EVA1C: variants seen among roughly 807,000 people sequenced by gnomAD.
EVA1C encodes the protein eva-1 homolog C, also known as protein eva-1 homolog C.
EVA1C carries 25 observed loss-of-function variants against 45.4 expected under a neutral mutation model. The observed-to-expected ratio is 0.55, with a 90% CI of 0.40 to 0.77. The LOEUF (loss-of-function observed/expected upper bound fraction) is 0.77. Among genes scored for constraint, EVA1C ranks in the 30% least tolerant of loss-of-function variants. The pLI, the probability that EVA1C is intolerant of heterozygous loss-of-function variation, is 0.00. For synonymous variants in EVA1C, 190 were observed against 221.2 expected, an observed-to-expected ratio of 0.86 and a Z score of 1.25; for missense variants, 479 against 554.8, an observed-to-expected ratio of 0.86 and a Z score of 1.37.
In EVA1C at chr21:32,514,972, G is replaced by A. The variant is rs1769244695; in HGVS notation, c.1108G>A (p.Glu370Lys). Residue 370 changes from glutamate to lysine, a missense_variant, in exon 8 of 8, where the codon GAG becomes AAG. Coordinates refer to ENST00000300255, the MANE Select transcript of EVA1C (RefSeq NM_058187.5). ...GGTGCCAGGAAGTGACAAGGTCGAGGAGGACAGCGAGGATGAAGAAGAGGA... is the reference window on the plus strand; with the variant it reads ...GGTGCCAGGAAGTGACAAGGTCGAGAAGGACAGCGAGGATGAAGAAGAGGA... The part of the protein sequence containing the change: ...QLVPGSDKVE[E>K]DSEDEEEEED... The A allele has an allele frequency of 5.0e-6, 8 of 1,614,124 alleles. No individual in the cohort carries two copies. The highest frequency in any genetic ancestry group is 2.2e-5 in the South Asian group (2 of 91,080).
chr21:32,479,369 G>T (rs918275670), intron 4 of EVA1C, among the ~76,000 whole-genome samples: 3 of 152,216 alleles, frequency 2.0e-5, no homozygotes, highest in Admixed American at 2.0e-4. Flanking sequence ...ATTGCAGTGA[G>T]CTGAGATCGT....
intron 6 of EVA1C, among the ~76,000 whole-genome samples, chr21:32,502,052 C>CTTCT (rs1309483325): frequency 2.0e-5 from 2 of 98,252 alleles, no homozygotes; most frequent in African/African-American, 8.4e-5. Context: ...TTCTTTCTTT[C>CTTCT]TTCTTTCTTT....
chr21:32,503,726 A>G (rs2037632844), intron 6 of EVA1C, among the ~76,000 whole-genome samples, 200 bp from the exon 7 acceptor site: 1 of 152,238 alleles, frequency 6.6e-6, no homozygotes, highest in Admixed American at 6.5e-5. Context: ...TTGTACTTTA[A>G]TATTGTCGGG....
chr21:32,450,222 G>A (rs2035528533), intron 1 of EVA1C, among the ~76,000 whole-genome samples: 1 of 152,126 alleles, frequency 6.6e-6, no homozygotes, highest in African/African-American at 2.4e-5. Context: ...TGTTTAGCGG[G>A]GATAGACTAT....
At chr21:32,460,970 T>C (rs896552981) in intron 3 of EVA1C, among the ~76,000 whole-genome samples, 1 of 152,212 alleles carries the variant, frequency 6.6e-6, no homozygotes, top group East Asian at 1.9e-4. Flanking sequence ...GGTCTTGAAC[T>C]CCTGACCTCA....
chr21:32,494,735 T>A (rs993296422), intron 4 of EVA1C, among the ~76,000 whole-genome samples: 5 of 150,810 alleles, frequency 3.3e-5, no homozygotes, highest in African/African-American at 1.2e-4. Flanking sequence ...GTGACTGAGA[T>A]CGTGCCATTG....
intron 7 of EVA1C, among the ~76,000 whole-genome samples, chr21:32,510,176 G>A (rs755694752): frequency 1.1e-4 from 16 of 150,730 alleles, no homozygotes; most frequent in Non-Finnish European, 2.1e-4. Context: ...AGCCTCCCAA[G>A]TAGCTGGGAC....
chr21:32,441,518 G>C (rs1451930276), intron 1 of EVA1C, among the ~76,000 whole-genome samples: 1 of 151,966 alleles, frequency 6.6e-6, no homozygotes, highest in Non-Finnish European at 1.5e-5. Context: ...GTTGGATGAG[G>C]CTGGATGAAG....
intron 4 of EVA1C, among the ~76,000 whole-genome samples, chr21:32,487,282 A>G (rs1404510797): frequency 6.6e-6 from 1 of 152,126 alleles, no homozygotes; most frequent in African/African-American, 2.4e-5. Flanking sequence ...TATCTCCCCA[A>G]GCTGGAGAGA....
At chr21:32,457,085 C>G (rs529724934) in intron 2 of EVA1C, among the ~76,000 whole-genome samples, 1 of 152,240 alleles carries the variant, frequency 6.6e-6, no homozygotes, top group South Asian at 2.1e-4. Context: ...GTGGATGGTT[C>G]GTAAGCTGGA....
intron 2 of EVA1C, 97 bp downstream of exon 2, chr21:32,453,605 T>C (rs2035669472): frequency 3.2e-6 from 3 of 948,844 alleles, no homozygotes; most frequent in Admixed American, 2.6e-5. Flanking sequence ...TATAGTTCAA[T>C]CCAAGCAAAA....
At chr21:32,419,330 T>C (rs2034171370) in intron 1 of EVA1C, among the ~76,000 whole-genome samples, 2 of 152,182 alleles carry the variant, frequency 1.3e-5, no homozygotes, top group Admixed American at 1.3e-4. Flanking sequence ...CCACCCCTAT[T>C]GCCTGACTTG....
At chr21:32,429,191 C>T (rs2034604862) in intron 1 of EVA1C, among the ~76,000 whole-genome samples, 1 of 152,092 alleles carries the variant, frequency 6.6e-6, no homozygotes, top group African/African-American at 2.4e-5. Context: ...CAGGCACCCA[C>T]CACAAAGCAC....
At chr21:32,432,266 T>G (rs990987894) in intron 1 of EVA1C, among the ~76,000 whole-genome samples, 32 of 152,120 alleles carry the variant, frequency 2.1e-4, no homozygotes, top group African/African-American at 7.5e-4. Flanking sequence ...TCAGTGAAGG[T>G]GGGCGCAGGT....
At chr21:32,432,841 C>T (rs569265796) in intron 1 of EVA1C, among the ~76,000 whole-genome samples, 3 of 152,304 alleles carry the variant, frequency 2.0e-5, no homozygotes, top group East Asian at 3.9e-4. Flanking sequence ...CTGCCTTAGC[C>T]TCCTGAGTAG....
chr21:32,503,937 G>C lies in EVA1C; in HGVS notation c.871G>C (p.Asp291His), dbSNP rs779303041. The change falls in exon 7 of 8, where the codon GAC (aspartate) becomes CAC (histidine). Residue 291 changes from aspartate (D) to histidine (H), a missense_variant. Physicochemically the swap from Asp to His is moderately conservative, Grantham distance 81. Transcript: ENST00000300255. Reference sequence around the variant, plus strand: ...TTTTCATGAAACAGGTATAAACTTCGACCCAAGCGGATCGAAGGTTCTGAG... The same window carrying C: ...TTTTCATGAAACAGGTATAAACTTCCACCCAAGCGGATCGAAGGTTCTGAG... ...QKDGEYGINF[D>H]PSGSKVLRKD... 11 of 1,610,520 alleles carry C rather than the reference G, an allele frequency of 6.8e-6. No homozygotes were observed. The highest frequency in any genetic ancestry group is 2.2e-5 in the South Asian group (2 of 90,818).
At chr21:32,438,739 T>C (rs1601258566) in intron 1 of EVA1C, among the ~76,000 whole-genome samples, 1 of 152,196 alleles carries the variant, frequency 6.6e-6, no homozygotes, top group African/African-American at 2.4e-5. Context: ...TGAGGATTGA[T>C]TGTAGATGCA....
chr21:32,489,648 A>G (rs1439706820), intron 4 of EVA1C, among the ~76,000 whole-genome samples: 1 of 152,174 alleles, frequency 6.6e-6, no homozygotes, highest in Non-Finnish European at 1.5e-5. Context: ...TGTCGTTGGA[A>G]TTTTATAGGG....
At chr21:32,412,437 CG>C (rs1161988099), upstream of EVA1C, 1 of 157,214 alleles carries the variant, frequency 6.4e-6, no homozygotes, top group East Asian at 1.8e-4. Flanking sequence ...GGCTGTTTCC[CG>C]GGTGTGGAAG....
Sources: gnomAD v4.1 joint callset for allele counts (sites outside exome capture counted in the v4.1 genomes callset) on GRCh38, gnomAD v4.1.1 for gene constraint, MANE v1.5 for transcripts, NCBI Gene and HGNC (gene_info 2026-07-23, HGNC 2026-07-21) for gene names.